The following GRID2 variants were observed in gnomAD, a reference collection of about 807,000 sequenced individuals.
GRID2 encodes glutamate ionotropic receptor delta type subunit 2, also known as glutamate receptor ionotropic, delta-2.
GRID2 carries 33 observed loss-of-function variants against 114.8 expected under a neutral mutation model. The observed-to-expected ratio is 0.29, with a 90% confidence interval of 0.22 to 0.38. GRID2 has a LOEUF of 0.38. Among genes scored for constraint, GRID2 ranks in the 10% least tolerant of loss-of-function variants. The probability of loss-of-function intolerance (pLI) is 1.00; values close to 1 mark genes in which losing one functional copy is unlikely to be tolerated. For synonymous variants in GRID2, 505 were observed against 449.9 expected (o/e 1.12, Z -1.55); for missense variants, 1,184 against 1,257.7 (o/e 0.94, Z 0.89).
intron 2 of GRID2, among the ~76,000 whole-genome samples, chr4:92,736,593 A>G (rs1736609045): frequency 6.6e-6 from 1 of 152,116 alleles, no homozygotes; most frequent in Admixed American, 6.6e-5. Flanking sequence ...ACCAAATACA[A>G]CAACATGCCT....
chr4:92,862,676 TGCA>T (rs1187967485), intron 2 of GRID2, among the ~76,000 whole-genome samples: 5 of 152,120 alleles, frequency 3.3e-5, no homozygotes, highest in Non-Finnish European at 7.4e-5. Context: ...TCTGGTACTT[TGCA>T]GCTTGATAAA....
chr4:92,756,354 T>A (rs1737720914), intron 2 of GRID2, among the ~76,000 whole-genome samples: 3 of 152,196 alleles, frequency 2.0e-5, no homozygotes, highest in Admixed American at 2.0e-4. Flanking sequence ...TGACGGACAC[T>A]TAGTTTGATT....
intron 13 of GRID2, among the ~76,000 whole-genome samples, chr4:93,540,866 A>C (rs1466136490): frequency 2.6e-5 from 4 of 152,194 alleles, no homozygotes; most frequent in Non-Finnish European, 5.9e-5. Flanking sequence ...ACTGAACTGT[A>C]GAAATTTTGG....
intron 4 of GRID2, among the ~76,000 whole-genome samples, chr4:93,183,147 C>T (rs1157122361): frequency 6.6e-6 from 1 of 151,968 alleles, no homozygotes; most frequent in Non-Finnish European, 1.5e-5. Flanking sequence ...TTGCCTGAGG[C>T]AGAACTACAT....
At chr4:92,548,428 G>GTTT (rs1257540747) in intron 1 of GRID2, among the ~76,000 whole-genome samples, 13 of 9,576 alleles carry the variant, frequency 1.4e-3, no homozygotes, top group East Asian at 5.0e-3. Context: ...TTGAGACAGA[G>GTTT]TCTTGTTCTG....
intron 1 of GRID2, among the ~76,000 whole-genome samples, chr4:92,579,009 AAAC>A (rs986702605): frequency 2.6e-5 from 4 of 152,116 alleles, no homozygotes; most frequent in Non-Finnish European, 5.9e-5. Context: ...TTTTTTATTT[AAAC>A]AACAATATTT....
At chr4:93,620,264 T>C (rs1190341409) in intron 13 of GRID2, among the ~76,000 whole-genome samples, 1 of 152,218 alleles carries the variant, frequency 6.6e-6, no homozygotes, top group Non-Finnish European at 1.5e-5. Flanking sequence ...TGGTTTAATG[T>C]CACTTTTCCA....
At chr4:93,588,057 A>T (rs2149605748) in intron 13 of GRID2, among the ~76,000 whole-genome samples, 1 of 152,278 alleles carries the variant, frequency 6.6e-6, no homozygotes, top group Admixed American at 6.5e-5. Flanking sequence ...TTTGGAAATG[A>T]AAATGTTAAC....
intron 1 of GRID2, among the ~76,000 whole-genome samples, chr4:92,540,165 C>G (rs904044203): frequency 1.3e-5 from 2 of 151,994 alleles, no homozygotes; most frequent in Non-Finnish European, 2.9e-5. Context: ...TTAAAGACTT[C>G]AATGTTAGAC....
intron 2 of GRID2, among the ~76,000 whole-genome samples, chr4:93,061,948 C>A (rs902385960): frequency 2.0e-5 from 3 of 152,092 alleles, no homozygotes; most frequent in Non-Finnish European, 4.4e-5. Context: ...TCTAGTTAGA[C>A]TAAGAATAGC....
chr4:93,624,865 AG>A (rs1742551909), intron 13 of GRID2, among the ~76,000 whole-genome samples: 1 of 150,878 alleles, frequency 6.6e-6, no homozygotes, highest in African/African-American at 2.5e-5. Flanking sequence ...GTGATTACTG[AG>A]GGGAAAAAAA....
At chr4:92,954,597 T>G (rs1245037826) in intron 2 of GRID2, among the ~76,000 whole-genome samples, 2 of 151,294 alleles carry the variant, frequency 1.3e-5, no homozygotes, top group Non-Finnish European at 3.0e-5. Context: ...CGGCTAATTT[T>G]TTTTTTTAAT....
At chr4:93,574,932 G>C (rs1217972576) in intron 13 of GRID2, among the ~76,000 whole-genome samples, 1 of 152,132 alleles carries the variant, frequency 6.6e-6, no homozygotes, top group African/African-American at 2.4e-5. Flanking sequence ...TGGTGTCCAA[G>C]GATGGCTTCT....
At chr4:92,937,937 A>G in intron 2 of GRID2, among the ~76,000 whole-genome samples, 1 of 146,826 alleles carries the variant, frequency 6.8e-6, no homozygotes. Flanking sequence ...CTAAGTAGAT[A>G]GGTTTCAATC....
chr4:92,689,742 A>G (rs1425804695), intron 2 of GRID2, among the ~76,000 whole-genome samples: 1 of 152,206 alleles, frequency 6.6e-6, no homozygotes, highest in Non-Finnish European at 1.5e-5. Flanking sequence ...TGGTTGTTCT[A>G]TACAGATAAC....
chr4:93,231,038 T>C (rs1429993818), intron 7 of GRID2, among the ~76,000 whole-genome samples: 1 of 152,010 alleles, frequency 6.6e-6, no homozygotes, highest in East Asian at 1.9e-4. Context: ...TGGAAAAAAG[T>C]AGGAGAGGAT....
At chr4:92,442,205 G>A (rs1225390562) in intron 1 of GRID2, among the ~76,000 whole-genome samples, 3 of 148,534 alleles carry the variant, frequency 2.0e-5, no homozygotes, top group Non-Finnish European at 3.0e-5. Context: ...GGGGGCTTCC[G>A]AGGCGATCGG....
At chr4:93,212,814 C>T (rs1351518957) in intron 5 of GRID2, among the ~76,000 whole-genome samples, 1 of 151,498 alleles carries the variant, frequency 6.6e-6, no homozygotes, top group African/African-American at 2.4e-5. Context: ...CTCTTGTCAC[C>T]CAGACTGGAG....
intron 2 of GRID2, among the ~76,000 whole-genome samples, chr4:92,752,345 T>C (rs1221037564): frequency 6.6e-6 from 1 of 152,178 alleles, no homozygotes; most frequent in Non-Finnish European, 1.5e-5. Context: ...ATGAACACAG[T>C]AAACCAATGA....
Sources: gnomAD v4.1 joint callset for allele counts (sites outside exome capture counted in the v4.1 genomes callset) on GRCh38, gnomAD v4.1.1 for gene constraint, MANE v1.5 for transcripts, NCBI Gene and HGNC (gene_info 2026-07-23, HGNC 2026-07-21) for gene names.